CHRM3: variants seen among roughly 807,000 people sequenced by gnomAD.
CHRM3 encodes the protein cholinergic receptor muscarinic 3.
Under a neutral mutation model 41.8 loss-of-function variants are expected in CHRM3, and 11 were observed. The observed-to-expected ratio is 0.26, with a 90% CI of 0.17 to 0.44. CHRM3 has a LOEUF of 0.44. CHRM3 is among the 20% of genes least tolerant of loss of function. The probability of loss-of-function intolerance (pLI) is 1.00; values close to 1 mark genes in which losing one functional copy is unlikely to be tolerated. For missense variants in CHRM3, 571 were observed against 745.4 expected, an observed-to-expected ratio of 0.77 and a Z score of 2.72; for synonymous variants, 297 against 301.4, an observed-to-expected ratio of 0.99 and a Z score of 0.15.
chr1:239,407,772 C>T lies in CHRM3; in HGVS notation c.-521+20545C>T, dbSNP rs556713959. Among the ~76,000 whole-genome samples the T allele has an allele frequency of 3.9e-4, 60 of 152,068 alleles. 1 individual carries two copies. In the South Asian group the frequency reaches 0.012, roughly 32 times the overall value. On this transcript the variant is annotated intron_variant, in intron 1 of 6. Transcript: ENST00000676153. ...TCTATTAGAAGTAGATGAGAGAGAA[C>T]CAACTTGTTAGTTTCTAATTAAAAA...
chr1:239,820,518 G>A (rs1050879004), intron 5 of CHRM3, among the ~76,000 whole-genome samples: 11 of 152,166 alleles, frequency 7.2e-5, no homozygotes, highest in African/African-American at 2.2e-4. Context: ...TGATAGGTCC[G>A]GATTTTAGGC....
At chr1:239,633,937 A>G (rs1670158099) in intron 4 of CHRM3, among the ~76,000 whole-genome samples, 1 of 152,216 alleles carries the variant, frequency 6.6e-6, no homozygotes, top group Non-Finnish European at 1.5e-5. Context: ...TCTGGATATC[A>G]TGCTGGACAC....
intron 5 of CHRM3, among the ~76,000 whole-genome samples, chr1:239,696,976 C>G (rs916448284): frequency 1.3e-5 from 2 of 152,190 alleles, no homozygotes; most frequent in African/African-American, 4.8e-5. Flanking sequence ...GCTTATAACA[C>G]AAGCTTAAGT....
intron 6 of CHRM3, among the ~76,000 whole-genome samples, chr1:239,874,285 G>GCATATA (rs1268315000): frequency 1.2e-5 from 1 of 83,296 alleles, no homozygotes; most frequent in African/African-American, 6.1e-5. Flanking sequence ...TATATACACA[G>GCATATA]TATATATATA....
At chr1:239,605,994 T>G (rs1450547427) in intron 3 of CHRM3, 2 of 152,204 alleles carry the variant, frequency 1.3e-5, no homozygotes, top group Non-Finnish European at 2.9e-5. Flanking sequence ...TGTTTGCTCT[T>G]ACTCTCTCAG....
At chr1:239,724,879 C>T (rs975158647) in intron 5 of CHRM3, among the ~76,000 whole-genome samples, 4 of 151,804 alleles carry the variant, frequency 2.6e-5, no homozygotes, top group Admixed American at 2.6e-4. Flanking sequence ...CTTGAACTTC[C>T]CAGTTCAAGC....
intron 5 of CHRM3, among the ~76,000 whole-genome samples, chr1:239,701,160 A>G (rs1660651641): frequency 6.6e-6 from 1 of 152,182 alleles, no homozygotes; most frequent in African/African-American, 2.4e-5. Context: ...TTGTGCAGTT[A>G]ATTTTTTGAA....
rs1177882190 is a variant in CHRM3 at position 239,561,698 on chromosome 1, A to G, written c.-313+15949A>G. 3.3e-5 allele frequency among the ~76,000 whole-genome samples: 5 copies of G among 152,176 alleles called. No individual in the cohort carries two copies. In the South Asian group the frequency reaches 8.3e-4, roughly 25 times the overall value. ...ATACCATCTATTAATAGATAATATT[A>G]CTGATAATTAATAATTGTTTATCAT... On this transcript the variant is annotated intron_variant, in intron 3 of 6. Coordinates refer to ENST00000676153, the MANE Select transcript of CHRM3 (RefSeq NM_001375978.1).
intron 1 of CHRM3, among the ~76,000 whole-genome samples, chr1:239,440,316 C>A (rs113927880): frequency 6.7e-6 from 1 of 149,908 alleles, no homozygotes; most frequent in African/African-American, 2.5e-5. Flanking sequence ...CACACACACA[C>A]AAAATGTGAG....
At position 239,420,530 on chromosome 1, in the gene CHRM3, T is replaced by G. The variant is rs529907593; in HGVS notation, c.-521+33303T>G. Among the ~76,000 whole-genome samples the G allele has an allele frequency of 3.3e-5, 5 of 152,294 alleles. No homozygotes were observed. In the South Asian group the frequency reaches 1.0e-3, roughly 32 times the overall value. Reference sequence around the variant, plus strand: ...GATGTTCCTTGAGTTTTTGCAAACTTAAGAGTGTCAATAGTCTCTAATTAA... The same window carrying G: ...GATGTTCCTTGAGTTTTTGCAAACTGAAGAGTGTCAATAGTCTCTAATTAA... On this transcript the variant is annotated intron_variant, in intron 1 of 6. Transcript: ENST00000676153.
chr1:239,791,621 G>T (rs1246792800), intron 5 of CHRM3, among the ~76,000 whole-genome samples: 1 of 152,124 alleles, frequency 6.6e-6, no homozygotes, highest in Non-Finnish European at 1.5e-5. Flanking sequence ...CCTAAGACTG[G>T]CTTTGCCTTG....
At position 239,545,625 on chromosome 1, in the gene CHRM3, T is replaced by C. The variant is rs1030351757; in HGVS notation, c.-421-16T>C. On this transcript the variant is annotated splice_polypyrimidine_tract_variant and intron_variant, in intron 2 of 6. Transcript: ENST00000676153. ...TCCTTACTGACCGATTTTTTCATCT[T>C]TTTGTGTCTGTTTAGATATGAACAG... 6.6e-6 allele frequency: 1 copy of C among 152,154 alleles called. No individual in the cohort carries two copies. Among genetic ancestry groups the C allele is most frequent in the African/African-American group, 2.4e-5 (1 of 41,442 alleles). The allele number at this position is 152,154 out of a possible 1,614,324, so 9.4% of individuals were successfully genotyped here.
At chr1:239,398,381 G>A (rs1031604609) in intron 1 of CHRM3, among the ~76,000 whole-genome samples, 18 of 151,844 alleles carry the variant, frequency 1.2e-4, no homozygotes, top group African/African-American at 3.4e-4. Flanking sequence ...GATTACAGGC[G>A]TGTGCCACCA....
chr1:239,722,409 T>C (rs1392582926), intron 5 of CHRM3, among the ~76,000 whole-genome samples: 1 of 151,888 alleles, frequency 6.6e-6, no homozygotes, highest in African/African-American at 2.4e-5. Flanking sequence ...CCCACAAATA[T>C]TATTTTTGCT....
intron 5 of CHRM3, among the ~76,000 whole-genome samples, chr1:239,746,618 T>G (rs1236589640): frequency 6.6e-6 from 1 of 152,226 alleles, no homozygotes; most frequent in African/African-American, 2.4e-5. Context: ...ACTCTCTTTC[T>G]GTCTCATCCC....
At chr1:239,508,143 GA>G (rs1365180292) in intron 2 of CHRM3, among the ~76,000 whole-genome samples, 2 of 152,088 alleles carry the variant, frequency 1.3e-5, no homozygotes, top group Non-Finnish European at 2.9e-5. Flanking sequence ...ATTTCCCAAA[GA>G]AAACAATTAA....
chr1:239,598,902 G>C (rs186122157), intron 3 of CHRM3, among the ~76,000 whole-genome samples: 23 of 132,842 alleles, frequency 1.7e-4, no homozygotes, highest in African/African-American at 5.6e-4. Flanking sequence ...AGGCCACCAC[G>C]CATGGACGCT....
intron 5 of CHRM3, among the ~76,000 whole-genome samples, chr1:239,760,160 C>A (rs140680242): frequency 0.013 from 1,966 of 151,544 alleles, 46 homozygotes; most frequent in African/African-American, 0.044. Context: ...CTCCTGACCT[C>A]GTGATCCGCC....
chr1:239,695,944 G>A (rs932353175), intron 5 of CHRM3, among the ~76,000 whole-genome samples: 4 of 152,060 alleles, frequency 2.6e-5, no homozygotes, highest in African/African-American at 9.7e-5. Flanking sequence ...TTAGTGAATG[G>A]ATTACCTGTA....
Sources: allele counts gnomAD v4.1 joint callset (sites outside exome capture counted in the v4.1 genomes callset), GRCh38; gene constraint gnomAD v4.1.1; transcripts MANE v1.5; gene names NCBI Gene and HGNC (gene_info 2026-07-23, HGNC 2026-07-21).